The following ADGRL2 variants were observed in gnomAD, a reference collection of about 807,000 sequenced individuals.
ADGRL2 encodes calcium-independent alpha-latrotoxin receptor 2.
ADGRL2 carries 44 observed loss-of-function variants against 157.4 expected under a neutral mutation model. That is an observed-to-expected ratio of 0.28 (90% CI 0.22 to 0.36). ADGRL2 has a LOEUF of 0.36. Ranked by LOEUF, ADGRL2 falls within the 10% of genes least tolerant of loss-of-function variation. The probability of loss-of-function intolerance (pLI) is 1.00; values close to 1 mark genes in which losing one functional copy is unlikely to be tolerated. For missense variants in ADGRL2, 1,510 were observed against 1,768.9 expected (o/e 0.85, Z 2.63); for synonymous variants, 585 against 624.7 (o/e 0.94, Z 0.95).
At chr1:81,392,497 G>GA (rs569015044) in intron 1 of ADGRL2, among the ~76,000 whole-genome samples, 86 of 151,226 alleles carry the variant, frequency 5.7e-4, no homozygotes, top group East Asian at 2.7e-3. Flanking sequence ...CCCCAAGGAA[G>GA]AAAAAAAAAT....
intron 3 of ADGRL2, among the ~76,000 whole-genome samples, chr1:81,614,774 G>A (rs1570642714): frequency 6.6e-6 from 1 of 151,694 alleles, no homozygotes; most frequent in East Asian, 1.9e-4. Flanking sequence ...CTTGTAATCC[G>A]AGCACTTTGG....
intron 2 of ADGRL2, among the ~76,000 whole-genome samples, chr1:81,789,863 G>A (rs1014306849): frequency 1.3e-5 from 2 of 152,028 alleles, no homozygotes; most frequent in African/African-American, 2.4e-5. Flanking sequence ...GATCTGGCAG[G>A]GAAAAATTGG....
At chr1:81,591,283 A>G (rs2081127858) in intron 3 of ADGRL2, among the ~76,000 whole-genome samples, 1 of 152,192 alleles carries the variant, frequency 6.6e-6, no homozygotes, top group East Asian at 1.9e-4. Flanking sequence ...CTACTCAGAT[A>G]TCCCTATCCC....
intron 18 of ADGRL2, 84 bp from the exon 19 acceptor site, chr1:81,981,724 C>A: frequency 9.4e-7 from 1 of 1,061,948 alleles, no homozygotes; most frequent in Non-Finnish European, 1.4e-6. Context: ...AAGTCAACTG[C>A]TACTACTGAT....
chr1:81,463,344 A>G (rs1190236303), intron 2 of ADGRL2, among the ~76,000 whole-genome samples: 1 of 151,964 alleles, frequency 6.6e-6, no homozygotes, highest in Non-Finnish European at 1.5e-5. Context: ...TAAACCAAGC[A>G]GAAGAGTGTA....
rs746400400 is a variant in ADGRL2, at chr1:81,987,027, C to A, written c.3635C>A (p.Pro1212Gln). Reference protein sequence around the residue: ...NAPSAPVFNSPATYRETRHSL... With the variant: ...NAPSAPVFNSQATYRETRHSL... ...CCTTCAGCTCCTGTATTTAACTCAC[C>A]AGGTGTGCTTTACTTACAAATAAAA... Residue 1212 changes from proline to glutamine, a missense_variant and splice_region_variant, in exon 22 of 24, where the codon CCA (proline) becomes CAA (glutamine). Transcript: ENST00000686636. The A allele has an allele frequency of 6.8e-6, 11 of 1,610,172 alleles. No homozygotes were observed. The highest frequency in any genetic ancestry group is 9.3e-6 in the Non-Finnish European group (11 of 1,178,834).
At chr1:81,555,542 T>C (rs750309499) in intron 2 of ADGRL2, among the ~76,000 whole-genome samples, 1 of 152,152 alleles carries the variant, frequency 6.6e-6, no homozygotes, top group Non-Finnish European at 1.5e-5. Context: ...GTGCTGGGAT[T>C]ACAGGCATGA....
Position 81,979,250 on chromosome 1 carries a change from G to A in ADGRL2, c.3022-619G>A, listed in dbSNP as rs572679359. Among the ~76,000 whole-genome samples, 10 of 151,854 alleles carry A rather than the reference G, an allele frequency of 6.6e-5. No individual in the cohort carries two copies. The South Asian group carries it at 1.7e-3, about 25-fold the overall frequency. Reference sequence around the variant, plus strand: ...AAAGACTCAAAACAGCATTTTGTCAGAATGTATCTACTTCCTTACAATACA... The same window carrying A: ...AAAGACTCAAAACAGCATTTTGTCAAAATGTATCTACTTCCTTACAATACA... On this transcript the variant is annotated intron_variant, in intron 17 of 23. Transcript: ENST00000686636.
At chr1:81,591,788 T>G (rs1248751960) in intron 3 of ADGRL2, among the ~76,000 whole-genome samples, 1 of 152,196 alleles carries the variant, frequency 6.6e-6, no homozygotes, top group African/African-American at 2.4e-5. Context: ...GGCAAGAACC[T>G]GAGGATGGCC....
At chr1:81,880,259 G>T (rs2093952026) in intron 2 of ADGRL2, among the ~76,000 whole-genome samples, 2 of 152,092 alleles carry the variant, frequency 1.3e-5, no homozygotes, top group Admixed American at 6.6e-5. Flanking sequence ...TGTGTGGGGA[G>T]TTCTTTCTCA....
intron 3 of ADGRL2, among the ~76,000 whole-genome samples, chr1:81,915,804 G>GA (rs1402428799): frequency 2.0e-5 from 3 of 152,124 alleles, no homozygotes; most frequent in Non-Finnish European, 4.4e-5. Flanking sequence ...CAATAGACGT[G>GA]AACGTGAACA....
chr1:81,777,854 T>G (rs1181001177), intron 2 of ADGRL2, among the ~76,000 whole-genome samples: 2 of 152,220 alleles, frequency 1.3e-5, no homozygotes, highest in East Asian at 1.9e-4. Context: ...GACCTATTTT[T>G]AATAGGCATG....
chr1:81,545,232 A>G (rs190060250), intron 2 of ADGRL2, among the ~76,000 whole-genome samples: 183 of 152,186 alleles, frequency 1.2e-3, no homozygotes, highest in Non-Finnish European at 6.6e-4. Context: ...TCATATAAGT[A>G]GTGGGATTCA....
chr1:81,446,253 A>G (rs558442684), intron 2 of ADGRL2, among the ~76,000 whole-genome samples: 1 of 152,324 alleles, frequency 6.6e-6, no homozygotes, highest in South Asian at 2.1e-4. Flanking sequence ...GTAGTTGGAG[A>G]ATCAATTACA....
At chr1:81,706,201 AAATAAT>A (rs1341526897) in intron 1 of ADGRL2, among the ~76,000 whole-genome samples, 1 of 150,440 alleles carries the variant, frequency 6.6e-6, no homozygotes, top group African/African-American at 2.5e-5. Context: ...CCGTTTCAAA[AAATAAT>A]AATAAAAATA....
At chr1:81,766,960 G>A (rs753863641) in intron 2 of ADGRL2, among the ~76,000 whole-genome samples, 7 of 151,430 alleles carry the variant, frequency 4.6e-5, no homozygotes, top group Non-Finnish European at 8.8e-5. Flanking sequence ...ACCCTTCTAC[G>A]GTTCTTTAAC....
rs1232977254 is a variant in ADGRL2, at chr1:81,680,184, C to A, written c.-142-81627C>A. Among the ~76,000 whole-genome samples the A allele has an allele frequency of 2.0e-5, 3 of 152,176 alleles. No homozygotes were observed. The South Asian group carries it at 6.2e-4, about 32-fold the overall frequency. ...CCAGTCCACTCCCACACTGCCAGATCGGCAGCCCTTTGTTACAATGTGCAC... is the reference window on the plus strand; with the variant it reads ...CCAGTCCACTCCCACACTGCCAGATAGGCAGCCCTTTGTTACAATGTGCAC... On this transcript the variant is annotated intron_variant, in intron 3 of 24. Coordinates refer to the ADGRL2 transcript ENST00000370721.
chr1:81,808,650 A>G (rs531423730), intron 1 of ADGRL2, among the ~76,000 whole-genome samples: 1 of 152,204 alleles, frequency 6.6e-6, no homozygotes, highest in South Asian at 2.1e-4. Context: ...ATCAAAAGAA[A>G]CCTACTCCAT....
intron 3 of ADGRL2, among the ~76,000 whole-genome samples, chr1:81,605,408 G>C (rs1038507916): frequency 3.9e-5 from 6 of 152,166 alleles, no homozygotes; most frequent in Admixed American, 3.9e-4. Flanking sequence ...AATAGTTATA[G>C]TACCCAGTGG....
Sources: allele counts gnomAD v4.1 joint callset (sites outside exome capture counted in the v4.1 genomes callset), GRCh38; gene constraint gnomAD v4.1.1; transcripts MANE v1.5; gene names NCBI Gene and HGNC (gene_info 2026-07-23, HGNC 2026-07-21).